The following TAFA1 variants were observed in gnomAD, a reference collection of about 807,000 sequenced individuals.
The protein encoded by TAFA1 is TAFA chemokine like family member 1, also known as chemokine-like protein TAFA-1.
Under a neutral mutation model 18.5 loss-of-function variants are expected in TAFA1, and 4 were observed. The observed-to-expected ratio is 0.22, with a 90% CI of 0.11 to 0.49. The LOEUF is 0.49. Among genes scored for constraint, TAFA1 ranks in the 20% least tolerant of loss-of-function variants. The probability of loss-of-function intolerance (pLI) is 0.98; values close to 1 mark genes in which losing one functional copy is unlikely to be tolerated. For missense variants in TAFA1, 147 were observed against 169.0 expected, an observed-to-expected ratio of 0.87 and a Z score of 0.72; for synonymous variants, 56 against 55.2, an observed-to-expected ratio of 1.01 and a Z score of -0.06.
Position 68,337,183 on chromosome 3 carries a change from A to T in TAFA1, c.119-80097A>T, listed in dbSNP as rs528560225. 2.6e-5 allele frequency among the ~76,000 whole-genome samples: 4 copies of T among 152,312 alleles called. No homozygotes were observed. In the South Asian group the frequency reaches 8.3e-4, roughly 32 times the overall value. ...AGTGGTTTAATTGGCTCACGGTTCC[A>T]CACACTATACAGGAAACATGGCTGG... is the stretch of plus-strand genomic sequence containing the variant. On this transcript the variant is annotated intron_variant, in intron 2 of 4. Coordinates refer to ENST00000478136, the MANE Select transcript of TAFA1 (RefSeq NM_213609.4).
intron 2 of TAFA1, among the ~76,000 whole-genome samples, chr3:68,219,180 T>A (rs1354865909): frequency 2.0e-5 from 3 of 152,048 alleles, no homozygotes; most frequent in Non-Finnish European, 4.4e-5. Flanking sequence ...TTAAAAAAAA[T>A]AAATCTTAGG....
chr3:68,477,131 T>A (rs1289343488), intron 3 of TAFA1, among the ~76,000 whole-genome samples: 1 of 152,038 alleles, frequency 6.6e-6, no homozygotes, highest in Non-Finnish European at 1.5e-5. Flanking sequence ...GTTTTGATTC[T>A]TTTTGAACTA....
intron 2 of TAFA1, among the ~76,000 whole-genome samples, chr3:68,325,592 C>A (rs2068763424): frequency 6.6e-6 from 1 of 152,026 alleles, no homozygotes; most frequent in Non-Finnish European, 1.5e-5. Context: ...GTTACATAGG[C>A]ATATCAAATA....
intron 2 of TAFA1, among the ~76,000 whole-genome samples, chr3:68,176,594 C>T (rs2066129148): frequency 6.6e-6 from 1 of 152,172 alleles, no homozygotes; most frequent in Non-Finnish European, 1.5e-5. Context: ...AGTGCTATTA[C>T]CATTTTGATA....
intron 2 of TAFA1, among the ~76,000 whole-genome samples, chr3:68,401,377 T>A (rs1462830087): frequency 6.6e-6 from 1 of 152,194 alleles, no homozygotes; most frequent in Non-Finnish European, 1.5e-5. Flanking sequence ...ACCTCATGGC[T>A]CTTTGTATTG....
chr3:68,461,373 ATATATATG>A (rs1400027773), intron 3 of TAFA1, among the ~76,000 whole-genome samples: 3 of 142,862 alleles, frequency 2.1e-5, no homozygotes, highest in Non-Finnish European at 4.5e-5. Context: ...ATATATATAT[ATATATATG>A]TATGTATGTA....
intron 2 of TAFA1, among the ~76,000 whole-genome samples, chr3:68,111,699 CAA>C (rs2065263788): frequency 6.8e-6 from 1 of 147,270 alleles, no homozygotes; most frequent in Non-Finnish European, 1.5e-5. Context: ...TTTAGGATAA[CAA>C]ATAAAATAAT....
intron 2 of TAFA1, among the ~76,000 whole-genome samples, chr3:68,179,907 A>T (rs191368292): frequency 6.7e-4 from 102 of 152,094 alleles, no homozygotes; most frequent in African/African-American, 2.3e-3. Flanking sequence ...GCTTGTGTGA[A>T]TGCAAATAAA....
intron 3 of TAFA1, among the ~76,000 whole-genome samples, chr3:68,421,124 G>A (rs947568333): frequency 3.9e-5 from 6 of 152,242 alleles, no homozygotes; most frequent in African/African-American, 1.4e-4. Context: ...TGCTGACAGA[G>A]GGGGAAATGG....
At chr3:68,134,463 A>C (rs1011323802) in intron 2 of TAFA1, among the ~76,000 whole-genome samples, 1 of 152,168 alleles carries the variant, frequency 6.6e-6, no homozygotes, top group Non-Finnish European at 1.5e-5. Flanking sequence ...TTAGCCACTG[A>C]CATTTAGACA....
chr3:68,477,980 A>G (rs540190174), intron 3 of TAFA1, among the ~76,000 whole-genome samples: 2 of 152,254 alleles, frequency 1.3e-5, no homozygotes, highest in South Asian at 4.2e-4. Flanking sequence ...TCATTCCCCT[A>G]TTCATGAGAG....
intron 3 of TAFA1, among the ~76,000 whole-genome samples, chr3:68,419,096 C>A (rs749217809): frequency 1.9e-4 from 29 of 152,148 alleles, no homozygotes; most frequent in Non-Finnish European, 3.2e-4. Context: ...ACTTGATGTC[C>A]TCACAACGTG....
At chr3:68,177,920 G>A (rs575423996) in intron 2 of TAFA1, among the ~76,000 whole-genome samples, 42 of 152,222 alleles carry the variant, frequency 2.8e-4, no homozygotes, top group South Asian at 8.3e-4. Flanking sequence ...CGAGGTGGGC[G>A]GATCACAAGG....
At chr3:68,170,248 A>G (rs1267119960) in intron 2 of TAFA1, among the ~76,000 whole-genome samples, 1 of 152,132 alleles carries the variant, frequency 6.6e-6, no homozygotes, top group Non-Finnish European at 1.5e-5. Flanking sequence ...CTCAAGGGAA[A>G]AACAGTTTTG....
intron 2 of TAFA1, among the ~76,000 whole-genome samples, chr3:68,037,239 G>C (rs994215197): frequency 6.6e-6 from 1 of 152,174 alleles, no homozygotes; most frequent in African/African-American, 2.4e-5. Flanking sequence ...AGTGTGTCTA[G>C]AGAAACTTGA....
intron 2 of TAFA1, among the ~76,000 whole-genome samples, chr3:68,383,338 T>C (rs766110260): frequency 6.6e-6 from 1 of 152,214 alleles, no homozygotes; most frequent in Non-Finnish European, 1.5e-5. Context: ...AGATGGCTCT[T>C]ATTATTTTGA....
At chr3:68,151,353 C>A (rs1038029841) in intron 2 of TAFA1, among the ~76,000 whole-genome samples, 4 of 152,132 alleles carry the variant, frequency 2.6e-5, no homozygotes, top group Non-Finnish European at 4.4e-5. Flanking sequence ...TAAAGTAAGG[C>A]AGGCAGCTTT....
chr3:68,542,001 C>T (rs1169470963), intron 4 of TAFA1, among the ~76,000 whole-genome samples: 1 of 152,048 alleles, frequency 6.6e-6, no homozygotes, highest in Non-Finnish European at 1.5e-5. Flanking sequence ...TCTGGAGTAG[C>T]CCAGGTAACA....
At chr3:68,043,663 A>G (rs1223478428) in intron 2 of TAFA1, among the ~76,000 whole-genome samples, 10 of 152,096 alleles carry the variant, frequency 6.6e-5, no homozygotes, top group African/African-American at 2.4e-4. Flanking sequence ...GGCTGCTTGC[A>G]GGATTTAAAC....
Sources: allele counts gnomAD v4.1 joint callset (sites outside exome capture counted in the v4.1 genomes callset), GRCh38; gene constraint gnomAD v4.1.1; transcripts MANE v1.5; gene names NCBI Gene and HGNC (gene_info 2026-07-23, HGNC 2026-07-21).